PTPRD: variants seen among roughly 807,000 people sequenced by gnomAD.
PTPRD encodes receptor-type tyrosine-protein phosphatase delta.
A neutral mutation model predicts 214.5 loss-of-function variants in PTPRD; 34 were observed. The observed-to-expected ratio is 0.16, with a 90% confidence interval of 0.12 to 0.21. The LOEUF (loss-of-function observed/expected upper bound fraction) is 0.21, where lower values mean the gene tolerates loss of function less well. PTPRD is among the 10% of genes least tolerant of loss of function. The pLI, the probability that PTPRD is intolerant of heterozygous loss-of-function variation, is 1.00. For missense variants in PTPRD, 2,545 were observed against 2,398.7 expected (o/e 1.06, Z -1.27); for synonymous variants, 1,128 against 845.7 (o/e 1.33, Z -5.79).
intron 7 of PTPRD, among the ~76,000 whole-genome samples, chr9:9,686,000 A>G (rs2097160417): frequency 6.6e-6 from 1 of 151,358 alleles, no homozygotes; most frequent in Non-Finnish European, 1.5e-5. Flanking sequence ...CTTCCTGACA[A>G]TCTGGAATTC....
At chr9:9,106,392 T>C (rs2099798591) in intron 10 of PTPRD, among the ~76,000 whole-genome samples, 1 of 151,888 alleles carries the variant, frequency 6.6e-6, no homozygotes. Context: ...TGTTAATTTA[T>C]TTAATCTTTC....
At chr9:9,676,219 G>A (rs374201029) in intron 7 of PTPRD, among the ~76,000 whole-genome samples, 15 of 151,848 alleles carry the variant, frequency 9.9e-5, no homozygotes, top group Admixed American at 1.3e-4. Context: ...TTGGTGTGCC[G>A]CACCCAGTAA....
intron 7 of PTPRD, among the ~76,000 whole-genome samples, chr9:9,594,194 G>A (rs2093049470): frequency 6.6e-6 from 1 of 151,940 alleles, no homozygotes; most frequent in Non-Finnish European, 1.5e-5. Flanking sequence ...CATTTCCCAG[G>A]ACACACATGT....
At chr9:9,848,640 T>C (rs2059983110) in intron 5 of PTPRD, among the ~76,000 whole-genome samples, 1 of 152,146 alleles carries the variant, frequency 6.6e-6, no homozygotes, top group South Asian at 2.1e-4. Flanking sequence ...ATATTTTCTA[T>C]GTATTCAGTA....
chr9:9,490,814 A>T (rs2095860938), intron 8 of PTPRD, among the ~76,000 whole-genome samples: 1 of 151,952 alleles, frequency 6.6e-6, no homozygotes. Flanking sequence ...GAGGGACAAG[A>T]AAAACTATGA....
At chr9:8,374,016 G>A (rs527510151) in intron 39 of PTPRD, among the ~76,000 whole-genome samples, 2 of 151,158 alleles carry the variant, frequency 1.3e-5, no homozygotes, top group African/African-American at 4.9e-5. Context: ...GAAATGCAAT[G>A]TGAAAAAAAT....
At chr9:10,534,221 A>G (rs1024590282) in intron 2 of PTPRD, among the ~76,000 whole-genome samples, 2 of 151,956 alleles carry the variant, frequency 1.3e-5, no homozygotes, top group Non-Finnish European at 2.9e-5. Flanking sequence ...TTAACATCAG[A>G]GTTCTAAAAA....
At chr9:8,612,516 G>A (rs760689394) in intron 14 of PTPRD, among the ~76,000 whole-genome samples, 2 of 152,208 alleles carry the variant, frequency 1.3e-5, no homozygotes, top group Non-Finnish European at 2.9e-5. Context: ...GAAGCAAATC[G>A]GAAGGTAAGG....
Position 10,258,539 on chromosome 9 carries a change from T to C in PTPRD, c.-545+82424A>G, listed in dbSNP as rs141036710. Among the ~76,000 whole-genome samples the C allele has an allele frequency of 3.4e-3, 513 of 152,334 alleles. 3 individuals carry two copies. The highest frequency in any genetic ancestry group is 0.012 in the African/African-American group (494 of 41,584). The stretch of plus-strand genomic sequence containing the variant: ...AGGTATTTTTACATGTACACTTTCA[T>C]TTAGCAATTCTTGTAAAAATCAATG... On this transcript the variant is annotated intron_variant, in intron 3 of 45. Coordinates refer to ENST00000381196, the MANE Select transcript of PTPRD (RefSeq NM_002839.4).
intron 26 of PTPRD, among the ~76,000 whole-genome samples, chr9:8,496,496 C>T (rs1176491046): frequency 1.3e-5 from 2 of 152,138 alleles, no homozygotes; most frequent in East Asian, 1.9e-4. Flanking sequence ...GTGGCATATA[C>T]ATAACAGTCC....
chr9:8,673,926 A>G (rs2097344132), intron 12 of PTPRD, among the ~76,000 whole-genome samples: 1 of 152,118 alleles, frequency 6.6e-6, no homozygotes, highest in African/African-American at 2.4e-5. Flanking sequence ...CCAGTAGCAC[A>G]TCCTGCCCCC....
At chr9:9,032,740 T>C (rs536396583) in intron 10 of PTPRD, among the ~76,000 whole-genome samples, 1 of 152,294 alleles carries the variant, frequency 6.6e-6, no homozygotes, top group African/African-American at 2.4e-5. Context: ...CAGGGTTTTA[T>C]ATTTTTCCTT....
At chr9:10,367,108 A>C (rs1218659219) in intron 2 of PTPRD, among the ~76,000 whole-genome samples, 1 of 151,404 alleles carries the variant, frequency 6.6e-6, no homozygotes, top group African/African-American at 2.4e-5. Flanking sequence ...CCTGTGCCTT[A>C]TATATCCTGT....
chr9:8,564,308 T>C lies in PTPRD; in HGVS notation c.353-35529A>G, dbSNP rs529126868. Among the ~76,000 whole-genome samples the C allele has an allele frequency of 4.6e-5, 7 of 152,314 alleles. No individual in the cohort carries two copies. The East Asian group carries it at 9.6e-4, about 21-fold the overall frequency. On this transcript the variant is annotated intron_variant, in intron 14 of 45. Transcript: ENST00000381196. ...TGATTTACAATATTTTAAATTATGA[T>C]GGGTTTATCAAGATGTAACCTCATC...
chr9:10,511,915 CGTGTAT>C (rs2048210928), intron 2 of PTPRD, among the ~76,000 whole-genome samples: 1 of 65,792 alleles, frequency 1.5e-5, no homozygotes, highest in South Asian at 4.8e-4. Flanking sequence ...TATATATATA[CGTGTAT>C]ATATATATAC....
At chr9:10,064,496 C>A (rs562224027) in intron 3 of PTPRD, among the ~76,000 whole-genome samples, 5 of 152,012 alleles carry the variant, frequency 3.3e-5, no homozygotes, top group African/African-American at 9.6e-5. Context: ...CCAGTGAAAT[C>A]AAACTCCTTT....
At chr9:10,368,135 A>G (rs1377487071) in intron 2 of PTPRD, among the ~76,000 whole-genome samples, 1 of 152,098 alleles carries the variant, frequency 6.6e-6, no homozygotes, top group Admixed American at 6.6e-5. Context: ...GCTGCCTTTG[A>G]CACATATTGG....
At chr9:9,990,454 C>T (rs1453839358) in intron 4 of PTPRD, among the ~76,000 whole-genome samples, 3 of 152,180 alleles carry the variant, frequency 2.0e-5, no homozygotes, top group East Asian at 1.9e-4. Context: ...GGCGGCTCCC[C>T]TCCTTACCAC....
At chr9:8,707,304 A>G (rs935350529) in intron 12 of PTPRD, among the ~76,000 whole-genome samples, 1 of 152,252 alleles carries the variant, frequency 6.6e-6, no homozygotes, top group African/African-American at 2.4e-5. Context: ...TGGGCAATGG[A>G]TATTTCTCCA....
Sources: gnomAD v4.1 joint callset for allele counts (sites outside exome capture counted in the v4.1 genomes callset) on GRCh38, gnomAD v4.1.1 for gene constraint, MANE v1.5 for transcripts, NCBI Gene and HGNC (gene_info 2026-07-23, HGNC 2026-07-21) for gene names.